RBM6: variants seen among roughly 807,000 people sequenced by gnomAD.
RBM6 encodes the protein RNA binding motif protein 6, also known as RNA-binding protein 6.
A neutral mutation model predicts 140.4 loss-of-function variants in RBM6; 23 were observed. That is an observed-to-expected ratio of 0.16 (90% CI 0.12 to 0.23). RBM6 has a LOEUF of 0.23. RBM6 is among the 10% of genes least tolerant of loss of function. RBM6 has a pLI of 1.00. For missense variants in RBM6, 1,139 were observed against 1,386.7 expected, an observed-to-expected ratio of 0.82 and a Z score of 2.84; for synonymous variants, 439 against 475.6, an observed-to-expected ratio of 0.92 and a Z score of 1.00.
chr3:49,955,083 A>G (rs2083911930), intron 1 of RBM6, among the ~76,000 whole-genome samples: 1 of 151,132 alleles, frequency 6.6e-6, no homozygotes, highest in African/African-American at 2.4e-5. Flanking sequence ...AAAACTTAAT[A>G]CATAATAGCT....
Position 49,967,770 on chromosome 3 carries a change from C to T in RBM6, c.345C>T (p.Phe115=). 1 of 1,614,078 alleles carries T rather than the reference C, an allele frequency of 6.2e-7. No homozygotes were observed. The highest frequency in any genetic ancestry group is 8.5e-7 in the Non-Finnish European group (1 of 1,180,012). Residue 115 remains phenylalanine, a synonymous_variant, in exon 3 of 21, where the codon TTC becomes TTT. Transcript: ENST00000266022. This position sits in a 1 kb window ranked among gnomAD's most constrained non-coding sequence, Gnocchi z 4.0. ...GCAGAGATTCATCACAGTTGGACTT[C>T]AGGGGTAGGGACATACATTCTGGGG... ...FQSRDSSQLD[F]RGRDIHSGDF...
intron 6 of RBM6, among the ~76,000 whole-genome samples, chr3:50,001,737 G>A (rs922346205): frequency 3.9e-5 from 6 of 152,138 alleles, no homozygotes; most frequent in Non-Finnish European, 7.3e-5. Flanking sequence ...GTGTGCTTTC[G>A]GTGGATCCTA....
intron 1 of RBM6, among the ~76,000 whole-genome samples, chr3:49,954,982 A>G (rs1018615188): frequency 6.6e-6 from 1 of 151,706 alleles, no homozygotes; most frequent in African/African-American, 2.4e-5. Context: ...GATGGCCTCG[A>G]TCTCCTGACC....
At chr3:49,953,800 G>A (rs552727549) in intron 1 of RBM6, among the ~76,000 whole-genome samples, 110 of 152,124 alleles carry the variant, frequency 7.2e-4, no homozygotes, top group Admixed American at 5.1e-3. Context: ...GGTTACAAGC[G>A]TGAGCCACCA....
intron 3 of RBM6, among the ~76,000 whole-genome samples, chr3:49,969,081 G>C (rs2084654644): frequency 1.3e-5 from 2 of 151,000 alleles, no homozygotes. Context: ...CTAGAGTGCA[G>C]TGACATAATC....
At chr3:50,031,158 G>C (rs1344211671) in intron 6 of RBM6, among the ~76,000 whole-genome samples, 1 of 152,202 alleles carries the variant, frequency 6.6e-6, no homozygotes, top group African/African-American at 2.4e-5. Context: ...TTCAGCCATT[G>C]TGGAAGACAG....
intron 1 of RBM6, among the ~76,000 whole-genome samples, chr3:49,951,722 TTTG>T (rs887640811): frequency 5.4e-5 from 8 of 149,254 alleles, no homozygotes; most frequent in African/African-American, 2.0e-4. Flanking sequence ...TTATTATTTT[TTTG>T]TTGTTCTGTT....
intron 6 of RBM6, among the ~76,000 whole-genome samples, chr3:50,015,264 C>T (rs1384965549): frequency 1.3e-5 from 2 of 151,100 alleles, no homozygotes; most frequent in East Asian, 2.0e-4. Flanking sequence ...CCCACCACCA[C>T]GCCCGGCTAA....
intron 5 of RBM6, among the ~76,000 whole-genome samples, chr3:49,979,321 G>A (rs2085198338): frequency 6.6e-6 from 1 of 152,094 alleles, no homozygotes; most frequent in Admixed American, 6.6e-5. Flanking sequence ...TGGGCTGATA[G>A]AAGTGTTCTG....
chr3:50,050,145 G>A (rs1455544249), intron 7 of RBM6, among the ~76,000 whole-genome samples: 1 of 152,086 alleles, frequency 6.6e-6, no homozygotes, highest in Non-Finnish European at 1.5e-5. Context: ...GGGATTACAG[G>A]TGTGAGCTGC....
chr3:50,010,139 G>A (rs548773593), intron 6 of RBM6, among the ~76,000 whole-genome samples: 86 of 152,186 alleles, frequency 5.7e-4, no homozygotes, highest in Admixed American at 1.1e-3. Context: ...CACCCGTCTC[G>A]GCCTCCCAAA....
intron 5 of RBM6, among the ~76,000 whole-genome samples, chr3:49,996,580 T>C (rs1008474106): frequency 6.6e-6 from 1 of 152,230 alleles, no homozygotes; most frequent in African/African-American, 2.4e-5. Context: ...TTTCGTCTTT[T>C]CAGAAGAATT....
In RBM6 at chr3:49,967,889, A is replaced by G. The variant is rs372831199; in HGVS notation, c.464A>G (p.Tyr155Cys). ...YRGREAPHMN[Y>C]RDRDAHAVDF... ...GGTAGGGAGGCACCTCATATGAACT[A>G]CAGAGACAGGGATGCTCACGCTGTT... The change falls in exon 3 of 21, where the codon TAC becomes TGC. Residue 155 changes from tyrosine (Y) to cysteine (C), a missense_variant. Tyr to Cys is a radical substitution (Grantham distance 194). Transcript: ENST00000266022. The surrounding 1 kb of genome is among the most constrained non-coding windows in gnomAD (Gnocchi z 4.0). The G allele has an allele frequency of 6.2e-7, 1 of 1,614,014 alleles. No homozygotes were observed. Among genetic ancestry groups the G allele is most frequent in the Non-Finnish European group, 8.5e-7 (1 of 1,180,034 alleles).
chr3:50,057,689 A>C, intron 8 of RBM6, 39 bp from the exon 9 acceptor site: 1 of 1,485,892 alleles, frequency 6.7e-7, no homozygotes, highest in Non-Finnish European at 9.0e-7. Context: ...TTTTTTTGAT[A>C]AAGCTTTCTA....
At chr3:50,021,739 G>GTTTT (rs1559596492) in intron 6 of RBM6, among the ~76,000 whole-genome samples, 6 of 50,574 alleles carry the variant, frequency 1.2e-4, no homozygotes, top group African/African-American at 1.9e-4. Flanking sequence ...GAATTTAAGT[G>GTTTT]CTTTTTTTTT....
At chr3:49,971,940 T>C in intron 3 of RBM6, 119 bp from the exon 4 acceptor site, 1 of 710,156 alleles carries the variant, frequency 1.4e-6, no homozygotes, top group Non-Finnish European at 2.4e-6. Context: ...TTGTAATTTT[T>C]TATATCTTCA....
intron 6 of RBM6, among the ~76,000 whole-genome samples, chr3:50,020,757 A>G (rs922828947): frequency 1.3e-5 from 2 of 152,202 alleles, no homozygotes; most frequent in East Asian, 1.9e-4. Context: ...GCAAACCTGT[A>G]CAACTTGTTA....
rs555997522 is a variant in RBM6, at chr3:50,019,049, T to A, written c.1557+19536T>A. On this transcript the variant is annotated intron_variant, in intron 6 of 20. Transcript: ENST00000266022. ...TTTATTTTTATTTATTTATTTTTTT[T>A]TTTTGAGACAAGGTCTTGCTCTTTC... Among the ~76,000 whole-genome samples the A allele has an allele frequency of 3.9e-5, 6 of 152,068 alleles. No individual in the cohort carries two copies. In the South Asian group the frequency reaches 8.3e-4, roughly 21 times the overall value.
chr3:49,964,531 G>A (rs1234344933), intron 2 of RBM6, among the ~76,000 whole-genome samples: 1 of 152,192 alleles, frequency 6.6e-6, no homozygotes, highest in Non-Finnish European at 1.5e-5. Context: ...TGCAGATTGT[G>A]TATGGCTGCT....
Sources: gnomAD v4.1 joint callset for allele counts (sites outside exome capture counted in the v4.1 genomes callset) on GRCh38, gnomAD v4.1.1 for gene constraint, Gnocchi (gnomAD v3.1) non-coding constraint, MANE v1.5 for transcripts, NCBI Gene and HGNC (gene_info 2026-07-23, HGNC 2026-07-21) for gene names.